The following ZDHHC6 variants were observed in gnomAD, a reference collection of about 807,000 sequenced individuals.
ZDHHC6 encodes palmitoyltransferase ZDHHC6.
In ZDHHC6, 32 loss-of-function variants were observed where a neutral mutation model predicts 57.8. That is an observed-to-expected ratio of 0.55 (90% confidence interval 0.42 to 0.74). ZDHHC6 has a LOEUF of 0.74. Ranked by LOEUF, ZDHHC6 falls within the 30% of genes least tolerant of loss-of-function variation. ZDHHC6 has a pLI of 0.00. For synonymous variants in ZDHHC6, 128 were observed against 158.0 expected (o/e 0.81, Z 1.42); for missense variants, 433 against 500.7 (o/e 0.86, Z 1.29).
downstream of ZDHHC6, chr10:112,426,877 T>A: frequency 1.3e-6 from 2 of 1,575,752 alleles, no homozygotes; most frequent in South Asian, 2.2e-5. Context: ...CTACCACTGA[T>A]GTTATACTGG....
At chr10:112,428,471 C>T (rs1844823093), downstream of ZDHHC6, 3 of 398,374 alleles carry the variant, frequency 7.5e-6, no homozygotes, top group Non-Finnish European at 1.3e-5. Context: ...TGTTCTTAAA[C>T]TTGGGTACAC....
intron 10 of ZDHHC6, among the ~76,000 whole-genome samples, chr10:112,431,434 C>T (rs1235520960): frequency 6.6e-6 from 1 of 152,046 alleles, no homozygotes; most frequent in Non-Finnish European, 1.5e-5. Flanking sequence ...CTGCCTCAGC[C>T]TCTGGAGCAG....
rs1249834816 is a variant in ZDHHC6, at chr10:112,430,558, T to C, written c.*246A>G. The C allele has an allele frequency of 1.1e-5, 4 of 351,630 alleles. No individual in the cohort carries two copies. The highest frequency in any genetic ancestry group is 1.0e-5 in the Non-Finnish European group (2 of 193,546). The allele number at this position is 351,630 out of a possible 1,614,324, so 21.8% of individuals were successfully genotyped here. ...CCTACAGAAAATGCCGTTAACTTAC[T>C]TGGATGAAATGTTTTTCCTTTGAGG... On this transcript the variant is annotated 3_prime_UTR_variant, in exon 11 of 11. Transcript: ENST00000369405.
At chr10:112,441,201 T>TA (rs1346859476) in intron 4 of ZDHHC6, among the ~76,000 whole-genome samples, 1 of 152,214 alleles carries the variant, frequency 6.6e-6, no homozygotes, top group Non-Finnish European at 1.5e-5. Context: ...ATATCATTCT[T>TA]AGTTTTCTCA....
At chr10:112,427,055 A>C (rs1844754224), downstream of ZDHHC6, among the ~76,000 whole-genome samples, 1 of 151,752 alleles carries the variant, frequency 6.6e-6, no homozygotes, top group Admixed American at 6.6e-5. Flanking sequence ...CCTTCTCCCT[A>C]CTCATTACTT....
chr10:112,433,950 T>TA (rs1019917287), intron 7 of ZDHHC6, among the ~76,000 whole-genome samples: 1 of 152,074 alleles, frequency 6.6e-6, no homozygotes, highest in African/African-American at 2.4e-5. Flanking sequence ...TAATTTTAGA[T>TA]AGAGTGGAGG....
chr10:112,438,392 G>A lies in ZDHHC6; in HGVS notation c.682-3C>T. 7.2e-7 allele frequency: 1 copy of A among 1,381,088 alleles called. No individual in the cohort carries two copies. 85.6% of individuals were successfully genotyped at this position (1,381,088 alleles called of 1,614,324 possible). A position where few individuals can be genotyped will look rare whatever the true frequency, so the allele number is the denominator to read the frequency against. On this transcript the variant is annotated splice_region_variant and splice_polypyrimidine_tract_variant and intron_variant, in intron 5 of 10. Transcript: ENST00000369405. ...TTGTTTCTGAGAATTATTTTCATCT[G>A]GAAATTAAATGATAGTAAAATTTAA... is the stretch of plus-strand genomic sequence containing the variant.
intron 5 of ZDHHC6, 68 bp from the exon 6 acceptor site, chr10:112,438,457 A>G: frequency 8.6e-7 from 1 of 1,157,112 alleles, no homozygotes; most frequent in Non-Finnish European, 1.2e-6. Flanking sequence ...CATATTCATA[A>G]TTCTCTGAGA....
At chr10:112,428,484 T>C, downstream of ZDHHC6, 1 of 398,446 alleles carries the variant, frequency 2.5e-6, no homozygotes. Flanking sequence ...GGGTACACAA[T>C]AGAATTATCT....
chr10:112,442,973 T>A (rs1368201766), intron 3 of ZDHHC6, among the ~76,000 whole-genome samples: 1 of 152,242 alleles, frequency 6.6e-6, no homozygotes, highest in East Asian at 1.9e-4. Context: ...TTCTTACTAA[T>A]CAGTGATTAT....
chr10:112,438,803 C>G (rs920954700), intron 5 of ZDHHC6, among the ~76,000 whole-genome samples: 2 of 152,100 alleles, frequency 1.3e-5, no homozygotes, highest in Non-Finnish European at 2.9e-5. Flanking sequence ...TGAGAAGTAA[C>G]AGTGACTCAT....
downstream of ZDHHC6, chr10:112,425,362 C>A (rs1349164179): frequency 6.2e-7 from 1 of 1,611,268 alleles, no homozygotes; most frequent in South Asian, 1.1e-5. Flanking sequence ...GATCATCGAC[C>A]GTAAAAAGAA....
At position 112,433,358 on chromosome 10, in the gene ZDHHC6, T is replaced by A. The variant is rs1051845500; in HGVS notation, c.904-77A>T. The A allele has an allele frequency of 7.5e-5, 92 of 1,228,832 alleles. No homozygotes were observed. In the Admixed American group the frequency reaches 2.4e-3, roughly 32 times the overall value. The allele number at this position is 1,228,832 out of a possible 1,614,324, so 76.1% of individuals were successfully genotyped here. A position where few individuals can be genotyped will look rare whatever the true frequency, so the allele number is the denominator to read the frequency against. On this transcript the variant is annotated intron_variant, in intron 7 of 10. Transcript: ENST00000369405. ...AAAAATCGCCTTTCCTCATCAACTG[T>A]CAGAGTGATATGGCAAAACCCCAAT... is the stretch of plus-strand genomic sequence containing the variant.
chr10:112,438,418 T>A, intron 5 of ZDHHC6, 29 bp from the exon 6 acceptor site: 1 of 1,340,834 alleles, frequency 7.5e-7, no homozygotes, highest in South Asian at 1.5e-5. Context: ...TAAAATTTAA[T>A]AATGCGACCT....
chr10:112,447,480 C>G, upstream of ZDHHC6: 1 of 1,612,166 alleles, frequency 6.2e-7, no homozygotes, highest in Non-Finnish European at 8.5e-7. Flanking sequence ...GAGAGCCTTG[C>G]CCGGCTGGAC....
intron 4 of ZDHHC6, among the ~76,000 whole-genome samples, chr10:112,441,877 T>TA (rs1487032586): frequency 6.6e-6 from 1 of 152,216 alleles, no homozygotes; most frequent in African/African-American, 2.4e-5. Context: ...TAGGAAGCAC[T>TA]AGTGTTGTCT....
downstream of ZDHHC6, chr10:112,426,521 C>A (rs917086046): frequency 1.6e-6 from 1 of 636,366 alleles, no homozygotes; most frequent in Non-Finnish European, 2.7e-6. Flanking sequence ...AAATAAAACT[C>A]TCTTTTCTAT....
At chr10:112,439,669 A>AAAAAAAAAT (rs757796332) in intron 5 of ZDHHC6, among the ~76,000 whole-genome samples, 23 of 108,610 alleles carry the variant, frequency 2.1e-4, no homozygotes, top group Non-Finnish European at 3.1e-4. Flanking sequence ...AAAAAAAAAA[A>AAAAAAAAAT]GAATGAAAAA....
At chr10:112,437,682 G>A (rs1845672386) in intron 6 of ZDHHC6, among the ~76,000 whole-genome samples, 2 of 152,146 alleles carry the variant, frequency 1.3e-5, no homozygotes, top group Non-Finnish European at 2.9e-5. Context: ...TCCCTATTTT[G>A]TAATTTGGAA....
Sources: gnomAD v4.1 joint callset for allele counts (sites outside exome capture counted in the v4.1 genomes callset) on GRCh38, gnomAD v4.1.1 for gene constraint, MANE v1.5 for transcripts, NCBI Gene and HGNC (gene_info 2026-07-23, HGNC 2026-07-21) for gene names.